GSK3B: variants seen among roughly 807,000 people sequenced by gnomAD.
The protein encoded by GSK3B is glycogen synthase kinase 3 beta, also known as glycogen synthase kinase-3 beta.
A neutral mutation model predicts 56.4 loss-of-function variants in GSK3B; 15 were observed. The observed-to-expected ratio is 0.27, with a 90% CI of 0.18 to 0.41. The LOEUF is 0.41. Ranked by LOEUF, GSK3B falls within the 10% of genes least tolerant of loss-of-function variation. The pLI is 1.00. For missense variants in GSK3B, 300 were observed against 513.4 expected, an observed-to-expected ratio of 0.58 and a Z score of 4.02; for synonymous variants, 181 against 188.9, an observed-to-expected ratio of 0.96 and a Z score of 0.34.
intron 1 of GSK3B, among the ~76,000 whole-genome samples, chr3:120,038,638 T>C (rs1371307285): frequency 6.6e-6 from 1 of 152,126 alleles, no homozygotes; most frequent in Non-Finnish European, 1.5e-5. Flanking sequence ...CACATCAACT[T>C]ACACAAAAAT....
chr3:119,919,532 GA>G lies in GSK3B; in HGVS notation c.478-3359del, dbSNP rs1191428996. 3.6e-3 allele frequency among the ~76,000 whole-genome samples: 351 copies of G among 97,334 alleles called. 2 individuals carry two copies. Among genetic ancestry groups the G allele is most frequent in the South Asian group, 3.4e-3 (10 of 2,914 alleles). The allele number at this position is 97,334 out of a possible 152,430, so 63.9% of individuals were successfully genotyped here. A position where few individuals can be genotyped will look rare whatever the true frequency, so the allele number is the denominator to read the frequency against. ...GTGGTTACATAAGAAAAAAAAAAAA[GA>G]AAAAAAAAAAAAAGAAAAATCATCC... On this transcript the variant is annotated intron_variant, in intron 4 of 10. Transcript: ENST00000264235.
At chr3:120,047,760 A>G (rs113767783) in intron 1 of GSK3B, among the ~76,000 whole-genome samples, 4 of 152,342 alleles carry the variant, frequency 2.6e-5, no homozygotes, top group African/African-American at 9.6e-5. Context: ...AATAAATACA[A>G]TATTTTAAAA....
At chr3:120,007,636 C>A (rs571582097) in intron 1 of GSK3B, among the ~76,000 whole-genome samples, 1 of 152,158 alleles carries the variant, frequency 6.6e-6, no homozygotes, top group Non-Finnish European at 1.5e-5. Context: ...TAAATGTAAT[C>A]CATCACATAA....
chr3:120,015,371 C>T (rs1425601071), intron 1 of GSK3B, among the ~76,000 whole-genome samples: 1 of 152,132 alleles, frequency 6.6e-6, no homozygotes, highest in East Asian at 1.9e-4. Context: ...TAGACATTGG[C>T]CAGGCGCAGT....
chr3:120,081,434 C>G (rs1301781082), intron 1 of GSK3B, among the ~76,000 whole-genome samples: 2 of 152,106 alleles, frequency 1.3e-5, no homozygotes, highest in African/African-American at 4.8e-5. Context: ...GTAGTCCCAG[C>G]TACTGGGGAG....
At chr3:119,925,414 A>C (rs1259137789) in intron 3 of GSK3B, among the ~76,000 whole-genome samples, 2 of 151,820 alleles carry the variant, frequency 1.3e-5, no homozygotes, top group African/African-American at 4.8e-5. Flanking sequence ...CTCCTCTTCA[A>C]CCTCTAACAC....
chr3:119,976,668 T>C (rs2057410645), intron 2 of GSK3B, among the ~76,000 whole-genome samples: 1 of 150,950 alleles, frequency 6.6e-6, no homozygotes, highest in Non-Finnish European at 1.5e-5. Context: ...CTAAAACCAA[T>C]GAGTTATATC....
intron 9 of GSK3B, among the ~76,000 whole-genome samples, chr3:119,845,527 G>C (rs2055842994): frequency 6.6e-6 from 1 of 151,076 alleles, no homozygotes; most frequent in African/African-American, 2.4e-5. Flanking sequence ...ATAACAGACA[G>C]AGAGCCAAAT....
intron 4 of GSK3B, among the ~76,000 whole-genome samples, chr3:119,916,628 G>A (rs766832147): frequency 3.3e-5 from 5 of 152,076 alleles, no homozygotes; most frequent in South Asian, 2.1e-4. Context: ...GAATGTAAAC[G>A]TATTTCCAAA....
intron 1 of GSK3B, among the ~76,000 whole-genome samples, chr3:120,090,879 T>G (rs1030426785): frequency 1.3e-5 from 2 of 152,208 alleles, no homozygotes; most frequent in Admixed American, 6.5e-5. Context: ...TCTGTTCTTA[T>G]GTTCTTATTT....
intron 7 of GSK3B, among the ~76,000 whole-genome samples, chr3:119,884,781 TC>T (rs1357320588): frequency 6.6e-6 from 1 of 152,114 alleles, no homozygotes; most frequent in Non-Finnish European, 1.5e-5. Context: ...TAAACAAGTT[TC>T]AAAAGTTAAA....
At chr3:119,854,232 C>T (rs990297249) in intron 9 of GSK3B, among the ~76,000 whole-genome samples, 12 of 152,212 alleles carry the variant, frequency 7.9e-5, no homozygotes, top group East Asian at 1.9e-4. Context: ...TATTGATTTG[C>T]GTATGATGAA....
chr3:119,890,574 G>T (rs1409857751), intron 7 of GSK3B, among the ~76,000 whole-genome samples: 1 of 151,914 alleles, frequency 6.6e-6, no homozygotes, highest in Admixed American at 6.6e-5. Context: ...TGAGACATTT[G>T]GTCATTCCAG....
intron 5 of GSK3B, among the ~76,000 whole-genome samples, chr3:119,915,584 T>G (rs1424141993): frequency 1.3e-5 from 2 of 152,118 alleles, no homozygotes; most frequent in African/African-American, 4.8e-5. Flanking sequence ...CTGTATGTTT[T>G]TAAAACATAA....
intron 5 of GSK3B, among the ~76,000 whole-genome samples, chr3:119,913,402 T>C (rs546958845): frequency 6.6e-6 from 1 of 152,270 alleles, no homozygotes; most frequent in South Asian, 2.1e-4. Context: ...TCACTGCCTA[T>C]AAATTCTAAC....
At chr3:120,029,127 T>C in intron 1 of GSK3B, 3 of 724,862 alleles carry the variant, frequency 4.1e-6, no homozygotes, top group Non-Finnish European at 4.9e-6. Context: ...TCCAGAGTTA[T>C]TTTGATGATA....
chr3:120,094,187 C>A lies in GSK3B; in HGVS notation c.-753G>T. 4.4e-6 allele frequency: 1 copy of A among 228,102 alleles called. No individual in the cohort carries two copies. Among genetic ancestry groups the A allele is most frequent in the Non-Finnish European group, 8.8e-6 (1 of 113,886 alleles). The allele number at this position is 228,102 out of a possible 1,614,324, so 14.1% of individuals were successfully genotyped here. A position where few individuals can be genotyped will look rare whatever the true frequency, so the allele number is the denominator to read the frequency against. On this transcript the variant is annotated 5_prime_UTR_variant, in exon 1 of 11. The change abolishes an upstream ATG in the 5' untranslated region. Transcript: ENST00000264235. Reference sequence around the variant, plus strand: ...TCGACTGTTCCCCATTCGCCGGGGACATGGGAACCCGGCAACCGCTTCCGT... The same window carrying A: ...TCGACTGTTCCCCATTCGCCGGGGAAATGGGAACCCGGCAACCGCTTCCGT...
At chr3:119,978,509 T>G (rs184981214) in intron 2 of GSK3B, among the ~76,000 whole-genome samples, 2 of 152,270 alleles carry the variant, frequency 1.3e-5, no homozygotes, top group East Asian at 3.9e-4. Context: ...ACTCTTACAT[T>G]TGGTGCCCAA....
Position 119,824,104 on chromosome 3 carries a change from T to C in GSK3B, c.*2684A>G, listed in dbSNP as rs1179255940. 4.9e-6 allele frequency: 1 copy of C among 202,050 alleles called. No individual in the cohort carries two copies. Among genetic ancestry groups the C allele is most frequent in the Non-Finnish European group, 1.0e-5 (1 of 98,162 alleles). The allele number at this position is 202,050 out of a possible 1,614,324, so 12.5% of individuals were successfully genotyped here. Reference sequence around the variant, plus strand: ...AGAATCACTGCCCTGAACAGTAACTTTTTGCTCATTAATAACAGTTCCTGG... The same window carrying C: ...AGAATCACTGCCCTGAACAGTAACTCTTTGCTCATTAATAACAGTTCCTGG... On this transcript the variant is annotated 3_prime_UTR_variant, in exon 11 of 11. Coordinates refer to ENST00000264235, the MANE Select transcript of GSK3B (RefSeq NM_001146156.2).
Sources: gnomAD v4.1 joint callset for allele counts (sites outside exome capture counted in the v4.1 genomes callset) on GRCh38, gnomAD v4.1.1 for gene constraint, MANE v1.5 for transcripts, NCBI Gene and HGNC (gene_info 2026-07-23, HGNC 2026-07-21) for gene names.